LRMDA: variants seen among roughly 807,000 people sequenced by gnomAD.
The protein encoded by LRMDA is leucine rich melanocyte differentiation associated, also known as leucine-rich melanocyte differentiation-associated protein.
In LRMDA, 18 loss-of-function variants were observed where a neutral mutation model predicts 29.8. The observed-to-expected ratio is 0.60, with a 90% CI of 0.42 to 0.90. The LOEUF (loss-of-function observed/expected upper bound fraction) is 0.90. Among genes scored for constraint, LRMDA ranks in the 40% least tolerant of loss-of-function variants. LRMDA has a pLI of 0.00. For missense variants in LRMDA, 273 were observed against 273.9 expected (o/e 1.00, Z 0.02); for synonymous variants, 125 against 109.4 (o/e 1.14, Z -0.89).
At chr10:76,238,210 A>C (rs1043240986) in intron 5 of LRMDA, among the ~76,000 whole-genome samples, 1 of 152,104 alleles carries the variant, frequency 6.6e-6, no homozygotes, top group African/African-American at 2.4e-5. Context: ...GAAGAGAGAA[A>C]CTCAGAGATT....
intron 6 of LRMDA, among the ~76,000 whole-genome samples, chr10:76,526,560 G>T (rs1843176319): frequency 6.6e-6 from 1 of 152,044 alleles, no homozygotes; most frequent in African/African-American, 2.4e-5. Context: ...CAGTTTTCAT[G>T]CTGTTATAGT....
intron 5 of LRMDA, among the ~76,000 whole-genome samples, chr10:76,071,502 A>G (rs1023749656): frequency 6.6e-6 from 1 of 152,234 alleles, no homozygotes; most frequent in Non-Finnish European, 1.5e-5. Flanking sequence ...CTCAATACCA[A>G]CTTGCAGCCT....
intron 2 of LRMDA, among the ~76,000 whole-genome samples, chr10:75,930,490 A>G (rs186982029): frequency 7.0e-4 from 106 of 152,326 alleles, no homozygotes; most frequent in African/African-American, 2.5e-3. Context: ...TCCTAGATCT[A>G]TAACTCAGCA....
chr10:76,083,207 C>A (rs1232595841), intron 5 of LRMDA, among the ~76,000 whole-genome samples: 2 of 152,140 alleles, frequency 1.3e-5, no homozygotes, highest in Non-Finnish European at 2.9e-5. Flanking sequence ...AAATCCAGAG[C>A]CCCTGCTGTG....
At chr10:76,440,149 C>T (rs901581266) in intron 6 of LRMDA, among the ~76,000 whole-genome samples, 7 of 152,090 alleles carry the variant, frequency 4.6e-5, no homozygotes, top group South Asian at 4.1e-4. Flanking sequence ...TCAGTGATAC[C>T]AAGGGTATGG....
Position 75,431,643 on chromosome 10 carries a change from G to C in LRMDA, c.-82G>C, listed in dbSNP as rs145795618. 2.6e-6 allele frequency: 3 copies of C among 1,170,588 alleles called. No homozygotes were observed. In the African/African-American group the frequency reaches 4.9e-5, roughly 19 times the overall value. The allele number at this position is 1,170,588 out of a possible 1,614,324, so 72.5% of individuals were successfully genotyped here. On this transcript the variant is annotated 5_prime_UTR_variant, in exon 1 of 7. Transcript: ENST00000611255. ...CTGCCCAGTGCGGAACTGTGCGCCC[G>C]CCGCGCTCCCCTGCCGCGCTCCCCG...
Position 76,532,299 on chromosome 10 carries a change from GC to G in LRMDA, c.602-24908del, listed in dbSNP as rs1225457240. ...CAAACCTCTACTTTTAATCATTGTG[GC>G]CATCACATAACCAAAGTGTTAATTC... On this transcript the variant is annotated intron_variant, in intron 6 of 6. Coordinates refer to ENST00000611255, the MANE Select transcript of LRMDA (RefSeq NM_001305581.2). 3.9e-5 allele frequency among the ~76,000 whole-genome samples: 6 copies of G among 152,084 alleles called. No homozygotes were observed. In the East Asian group the frequency reaches 9.7e-4, roughly 24 times the overall value.
intron 5 of LRMDA, among the ~76,000 whole-genome samples, chr10:76,133,715 C>G (rs897694067): frequency 3.3e-5 from 5 of 152,224 alleles, no homozygotes; most frequent in African/African-American, 4.8e-5. Context: ...AATTACTCGA[C>G]GACATGTGGA....
At chr10:76,518,305 A>G (rs1288812075) in intron 6 of LRMDA, among the ~76,000 whole-genome samples, 2 of 151,664 alleles carry the variant, frequency 1.3e-5, no homozygotes, top group African/African-American at 2.4e-5. Context: ...CTATCTATCT[A>G]TCTATCTATC....
chr10:76,463,972 G>A (rs1384420861), intron 6 of LRMDA, among the ~76,000 whole-genome samples: 1 of 132,006 alleles, frequency 7.6e-6, no homozygotes, highest in Non-Finnish European at 1.6e-5. Flanking sequence ...AGGCTGGCAT[G>A]CATTGGCGTG....
chr10:75,764,105 C>G (rs980424933), intron 2 of LRMDA, among the ~76,000 whole-genome samples: 1 of 152,144 alleles, frequency 6.6e-6, no homozygotes, highest in Non-Finnish European at 1.5e-5. Flanking sequence ...TTATTTCATG[C>G]TTGCTTTCCC....
At chr10:76,041,529 G>A (rs1848337976) in intron 3 of LRMDA, among the ~76,000 whole-genome samples, 1 of 152,180 alleles carries the variant, frequency 6.6e-6, no homozygotes, top group Non-Finnish European at 1.5e-5. Context: ...CCAGTATTAG[G>A]ATTAGCTGTG....
intron 2 of LRMDA, chr10:75,451,493 GT>G (rs1844459447): frequency 6.6e-6 from 1 of 152,150 alleles, no homozygotes; most frequent in Admixed American, 6.5e-5. Context: ...CATAATTGTA[GT>G]CAATTACGAC....
intron 6 of LRMDA, among the ~76,000 whole-genome samples, chr10:76,505,806 G>T (rs940650205): frequency 3.9e-5 from 6 of 152,118 alleles, no homozygotes; most frequent in Non-Finnish European, 7.4e-5. Context: ...ATGAGCTAGG[G>T]TGCTTATTTG....
chr10:76,069,576 T>C (rs1243002147), intron 5 of LRMDA, among the ~76,000 whole-genome samples: 1 of 152,190 alleles, frequency 6.6e-6, no homozygotes, highest in African/African-American at 2.4e-5. Context: ...AGTGAACTAA[T>C]ACTCTGTCTA....
intron 5 of LRMDA, among the ~76,000 whole-genome samples, chr10:76,180,697 C>A (rs151250459): frequency 2.9e-4 from 44 of 152,226 alleles, no homozygotes; most frequent in African/African-American, 1.0e-3. Context: ...AATAAAGTCC[C>A]CTTTACCCCT....
At chr10:76,292,825 C>A (rs538797521) in intron 5 of LRMDA, among the ~76,000 whole-genome samples, 1 of 152,088 alleles carries the variant, frequency 6.6e-6, no homozygotes, top group Middle Eastern at 3.4e-3. Context: ...GTCATACTAT[C>A]CCAATTGGGC....
intron 6 of LRMDA, among the ~76,000 whole-genome samples, chr10:76,465,637 T>G (rs1174525977): frequency 1.3e-5 from 2 of 152,138 alleles, no homozygotes; most frequent in African/African-American, 2.4e-5. Context: ...CTGAGATAAT[T>G]TAAGAGAATT....
intron 6 of LRMDA, among the ~76,000 whole-genome samples, chr10:76,520,024 C>A (rs908858939): frequency 3.3e-5 from 5 of 151,956 alleles, no homozygotes; most frequent in Non-Finnish European, 7.4e-5. Context: ...TCTTCCTTTG[C>A]TTTTATTGTA....
Sources: gnomAD v4.1 joint callset for allele counts (sites outside exome capture counted in the v4.1 genomes callset) on GRCh38, gnomAD v4.1.1 for gene constraint, MANE v1.5 for transcripts, NCBI Gene and HGNC (gene_info 2026-07-23, HGNC 2026-07-21) for gene names.